Variants in EML4 observed in about 807,000 individuals in gnomAD.
The protein encoded by EML4 is EMAP like 4, also known as echinoderm microtubule-associated protein-like 4.
Under a neutral mutation model 129.0 loss-of-function variants are expected in EML4, and 72 were observed. That is an observed-to-expected ratio of 0.56 (90% CI 0.46 to 0.68). EML4 has a LOEUF of 0.68. Ranked by LOEUF, EML4 falls within the 30% of genes least tolerant of loss-of-function variation. The pLI is 0.00. For synonymous variants in EML4, 532 were observed against 405.0 expected (o/e 1.31, Z -3.77); for missense variants, 1,363 against 1,190.6 (o/e 1.14, Z -2.13).
chr2:42,277,569 C>T (rs543551320), intron 6 of EML4, among the ~76,000 whole-genome samples: 2 of 141,240 alleles, frequency 1.4e-5, no homozygotes, highest in South Asian at 4.9e-4. Flanking sequence ...ACAAGCACAA[C>T]CTTTTTTTTT....
chr2:42,280,334 T>A (rs1166345654), intron 6 of EML4, among the ~76,000 whole-genome samples: 1 of 152,240 alleles, frequency 6.6e-6, no homozygotes, highest in African/African-American at 2.4e-5. Context: ...GGTTTATTTT[T>A]CCCTACAATG....
At chr2:42,293,733 C>T (rs1287476658) in intron 11 of EML4, among the ~76,000 whole-genome samples, 2 of 152,180 alleles carry the variant, frequency 1.3e-5, no homozygotes, top group African/African-American at 4.8e-5. Context: ...GCCTCAGCCT[C>T]CCAAGTAGCT....
chr2:42,189,036 G>GT (rs1181466689), intron 1 of EML4, among the ~76,000 whole-genome samples: 1 of 151,972 alleles, frequency 6.6e-6, no homozygotes, highest in East Asian at 1.9e-4. Flanking sequence ...GAGCCTTTTT[G>GT]TTTAAGTTTT....
intron 1 of EML4, among the ~76,000 whole-genome samples, chr2:42,183,429 A>G (rs1423900809): frequency 6.6e-6 from 1 of 152,216 alleles, no homozygotes; most frequent in East Asian, 1.9e-4. Flanking sequence ...TGGTGGTGAT[A>G]CAACCTGTGT....
At chr2:42,284,018 A>G (rs1290209419) in intron 8 of EML4, among the ~76,000 whole-genome samples, 4 of 152,226 alleles carry the variant, frequency 2.6e-5, no homozygotes, top group African/African-American at 7.2e-5. Flanking sequence ...AGTCACTCAT[A>G]TACGTGCTGT....
chr2:42,181,212 G>C (rs1301411649), intron 1 of EML4, among the ~76,000 whole-genome samples: 5 of 152,140 alleles, frequency 3.3e-5, no homozygotes, highest in Non-Finnish European at 5.9e-5. Flanking sequence ...AATGTGCTTT[G>C]AAACTATGTA....
chr2:42,235,563 C>T (rs551977528), intron 1 of EML4, among the ~76,000 whole-genome samples: 7 of 152,334 alleles, frequency 4.6e-5, no homozygotes, highest in Non-Finnish European at 7.3e-5. Context: ...ACCTAATCTT[C>T]TGCCATTACC....
chr2:42,310,816 A>T (rs1248729457), intron 17 of EML4, among the ~76,000 whole-genome samples: 1 of 152,226 alleles, frequency 6.6e-6, no homozygotes, highest in Non-Finnish European at 1.5e-5. Context: ...AATTTGTAGA[A>T]AATCCCCTTG....
At chr2:42,218,899 A>G (rs565081392) in intron 1 of EML4, among the ~76,000 whole-genome samples, 2 of 152,166 alleles carry the variant, frequency 1.3e-5, no homozygotes, top group Non-Finnish European at 2.9e-5. Flanking sequence ...CCTGGGCTCA[A>G]GCAATCTTCC....
At chr2:42,221,896 T>G (rs72980818) in intron 1 of EML4, among the ~76,000 whole-genome samples, 5,309 of 151,890 alleles carry the variant, frequency 0.035, 313 homozygotes, top group African/African-American at 0.12. Context: ...GAGCCACCAC[T>G]CCAAGCCTAA....
Position 42,330,818 on chromosome 2 carries a change from A to T in EML4, c.*611A>T. Reference sequence around the variant, plus strand: ...TGTCCAGACATGCTCTTAGTCTACTAGAGAGGTGCTGCCTTTTCTAAGTCA... The same window carrying T: ...TGTCCAGACATGCTCTTAGTCTACTTGAGAGGTGCTGCCTTTTCTAAGTCA... On this transcript the variant is annotated 3_prime_UTR_variant, in exon 23 of 23. Coordinates refer to ENST00000318522, the MANE Select transcript of EML4 (RefSeq NM_019063.5). 4.7e-6 allele frequency: 1 copy of T among 212,428 alleles called. No individual in the cohort carries two copies. Among genetic ancestry groups the T allele is most frequent in the African/African-American group, 2.3e-5 (1 of 43,772 alleles). The allele number at this position is 212,428 out of a possible 1,614,324, so 13.2% of individuals were successfully genotyped here. A position where few individuals can be genotyped will look rare whatever the true frequency, so the allele number is the denominator to read the frequency against.
intron 1 of EML4, among the ~76,000 whole-genome samples, chr2:42,179,674 C>G (rs1670815163): frequency 6.6e-6 from 1 of 152,186 alleles, no homozygotes; most frequent in Non-Finnish European, 1.5e-5. Flanking sequence ...ATGATCTTGG[C>G]TCACTGCACC....
intron 1 of EML4, among the ~76,000 whole-genome samples, chr2:42,237,711 T>A (rs1035459060): frequency 3.9e-5 from 6 of 152,204 alleles, no homozygotes; most frequent in Admixed American, 1.3e-4. Flanking sequence ...TGTACTCTTA[T>A]AATAAAGTAA....
intron 4 of EML4, among the ~76,000 whole-genome samples, chr2:42,262,019 G>A (rs897523824): frequency 6.6e-6 from 1 of 151,894 alleles, no homozygotes; most frequent in Non-Finnish European, 1.5e-5. Context: ...AAATTTGCCT[G>A]TTTAGAAATG....
chr2:42,279,781 T>TTA (rs1553383522), intron 6 of EML4, among the ~76,000 whole-genome samples: 34 of 151,278 alleles, frequency 2.2e-4, no homozygotes, highest in South Asian at 1.9e-3. Flanking sequence ...GCTGTCTTTT[T>TTA]TTATTATTAT....
intron 19 of EML4, among the ~76,000 whole-genome samples, chr2:42,318,866 G>A (rs904250807): frequency 1.3e-5 from 2 of 151,778 alleles, no homozygotes; most frequent in South Asian, 4.2e-4. Context: ...CACCTTGCCC[G>A]GCTCACTTTT....
At chr2:42,189,813 C>T (rs925281473) in intron 1 of EML4, among the ~76,000 whole-genome samples, 13 of 152,066 alleles carry the variant, frequency 8.5e-5, no homozygotes, top group African/African-American at 3.1e-4. Flanking sequence ...CTGTTGTTCT[C>T]TTATGTTGAA....
chr2:42,229,800 A>G (rs1419972269), intron 1 of EML4, among the ~76,000 whole-genome samples: 1 of 152,120 alleles, frequency 6.6e-6, no homozygotes, highest in East Asian at 1.9e-4. Context: ...GTTGGGCTAA[A>G]TCTCTAAAAC....
intron 6 of EML4, among the ~76,000 whole-genome samples, chr2:42,278,997 A>T (rs1396663887): frequency 1.3e-5 from 2 of 152,172 alleles, no homozygotes; most frequent in South Asian, 2.1e-4. Flanking sequence ...TTAGTTTTAG[A>T]CTGTCGCAGA....
Sources: allele counts gnomAD v4.1 joint callset (sites outside exome capture counted in the v4.1 genomes callset), GRCh38; gene constraint gnomAD v4.1.1; transcripts MANE v1.5; gene names NCBI Gene and HGNC (gene_info 2026-07-23, HGNC 2026-07-21).